The following PRKD2 variants were observed in gnomAD, a reference collection of about 807,000 sequenced individuals.
The protein encoded by PRKD2 is serine/threonine-protein kinase D2.
In PRKD2, 22 loss-of-function variants were observed where a neutral mutation model predicts 86.0. That is an observed-to-expected ratio of 0.26 (90% CI 0.18 to 0.37). PRKD2 has a LOEUF of 0.37. PRKD2 is among the 10% of genes least tolerant of loss of function. PRKD2 has a pLI of 1.00. For missense variants in PRKD2, 818 were observed against 1,199.2 expected (o/e 0.68, Z 4.70); for synonymous variants, 509 against 510.9 (o/e 1.00, Z 0.05).
At position 46,690,683 on chromosome 19, in the gene PRKD2, C is replaced by G. The variant is rs1337774015; in HGVS notation, c.1726G>C (p.Asp576His). The change falls in exon 13 of 18, where the codon GAC becomes CAC. Residue 576 changes from aspartate (D) to histidine (H), a missense_variant. Asp to His is a moderately conservative substitution (Grantham distance 81, BLOSUM62 -1). This residue lies in a region of PRKD2 where 154 missense variants were observed against 359.6 expected (regional missense o/e 0.43). Coordinates refer to ENST00000291281, the MANE Select transcript of PRKD2 (RefSeq NM_016457.5). ...YGGKHRKTGRDVAVKVIDKLR... is the reference protein window; with the variant it reads ...YGGKHRKTGRHVAVKVIDKLR... ...TTGTCAATGACCTTAACTGCCACGTCCCGGCCTGTCTTCCGGTGTTTTCCT... is the reference window on the plus strand; with the variant it reads ...TTGTCAATGACCTTAACTGCCACGTGCCGGCCTGTCTTCCGGTGTTTTCCT... 4 of 1,614,114 alleles carry G rather than the reference C, an allele frequency of 2.5e-6. No homozygotes were observed. The Admixed American group carries it at 6.7e-5, about 27-fold the overall frequency.
At chr19:46,706,816 A>G (rs1654785539) in intron 3 of PRKD2, among the ~76,000 whole-genome samples, 1 of 152,130 alleles carries the variant, frequency 6.6e-6, no homozygotes, top group Admixed American at 6.6e-5. Context: ...CTGCAGGCCT[A>G]GAGTCCTTAA....
chr19:46,684,564 C>A (rs2053366301), intron 14 of PRKD2, among the ~76,000 whole-genome samples: 1 of 152,194 alleles, frequency 6.6e-6, no homozygotes, highest in African/African-American at 2.4e-5. Context: ...CTCAGGTGAT[C>A]CATCTGCCTT....
chr19:46,714,244 G>T, intron 1 of PRKD2: 1 of 1,284,998 alleles, frequency 7.8e-7, no homozygotes, highest in Non-Finnish European at 9.9e-7. Flanking sequence ...GAGCTGGGGT[G>T]GGAGGGAGAG....
At chr19:46,677,823 C>T (rs1232069959) in intron 16 of PRKD2, among the ~76,000 whole-genome samples, 1 of 152,172 alleles carries the variant, frequency 6.6e-6, no homozygotes, top group African/African-American at 2.4e-5. Flanking sequence ...TCTTCGGAAA[C>T]CCTCCACGGC....
At position 46,714,097 on chromosome 19, in the gene PRKD2, C is replaced by A. The variant is rs938987259; in HGVS notation, c.241-96G>T. The A allele has an allele frequency of 3.4e-6, 5 of 1,473,388 alleles. No individual in the cohort carries two copies. The African/African-American group carries it at 4.2e-5, about 12-fold the overall frequency. The allele number at this position is 1,473,388 out of a possible 1,614,324, so 91.3% of individuals were successfully genotyped here. A position where few individuals can be genotyped will look rare whatever the true frequency, so the allele number is the denominator to read the frequency against. The stretch of plus-strand genomic sequence containing the variant: ...CCTCCCAGGGCAGGGCCGGCTGTTT[C>A]CCCCGGAAACGCAGAGACCCCGCAG... On this transcript the variant is annotated intron_variant, in intron 1 of 17. Coordinates refer to ENST00000291281, the MANE Select transcript of PRKD2 (RefSeq NM_016457.5).
chr19:46,690,498 T>C, intron 13 of PRKD2, 102 bp downstream of exon 13: 2 of 987,890 alleles, frequency 2.0e-6, no homozygotes, highest in Admixed American at 3.7e-5. Context: ...AGTCTCAACA[T>C]GCACATGCCC....
chr19:46,713,001 CT>C (rs939186503), intron 2 of PRKD2, among the ~76,000 whole-genome samples: 7 of 149,748 alleles, frequency 4.7e-5, no homozygotes, highest in African/African-American at 1.2e-4. Context: ...GACATCATAA[CT>C]TTTTTTTTTC....
intron 5 of PRKD2, among the ~76,000 whole-genome samples, 174 bp downstream of exon 5, chr19:46,703,995 C>CACACACACACACACAAA (rs2053674253): frequency 3.7e-5 from 2 of 54,184 alleles, no homozygotes; most frequent in Admixed American, 1.8e-4. Flanking sequence ...ACACACACAA[C>CACACACACACACACAAA]TGAGGTTCTA....
At chr19:46,690,091 G>A (rs1468684510) in intron 13 of PRKD2, among the ~76,000 whole-genome samples, 1 of 152,108 alleles carries the variant, frequency 6.6e-6, no homozygotes, top group Admixed American at 6.6e-5. Context: ...GGTTGCAGGA[G>A]GGAGGAGGGG....
intron 15 of PRKD2, among the ~76,000 whole-genome samples, chr19:46,681,119 A>C (rs2053299776): frequency 6.7e-6 from 1 of 149,512 alleles, no homozygotes; most frequent in South Asian, 2.1e-4. Context: ...ACGCCCCGCT[A>C]ATTTTTTTTT....
rs1568714500 is a variant in PRKD2 at position 46,680,928 on chromosome 19, A to ATATATATATATATATATATATATATATT, written c.2070+721_2070+722insAATATATATATATATATATATATATATA. 8.4e-4 allele frequency among the ~76,000 whole-genome samples: 56 copies of ATATATATATATATATATATATATATATT among 66,302 alleles called. 1 individual carries two copies. Among genetic ancestry groups the ATATATATATATATATATATATATATATT allele is most frequent in the African/African-American group, 2.4e-3 (51 of 21,520 alleles). The allele number at this position is 66,302 out of a possible 152,430, so 43.5% of individuals were successfully genotyped here. ...AGTGCTATATGTTGGGATAAACTAT[A>ATATATATATATATATATATATATATATT]TATATATATATATATATATTTTTTT... is the stretch of plus-strand genomic sequence containing the variant. On this transcript the variant is annotated intron_variant, in intron 15 of 17. Coordinates refer to ENST00000291281, the MANE Select transcript of PRKD2 (RefSeq NM_016457.5).
At position 46,688,439 on chromosome 19, in the gene PRKD2, A is replaced by AT. The variant is rs1232755987; in HGVS notation, c.1971+1097dup. Among the ~76,000 whole-genome samples, 940 of 133,762 alleles carry AT rather than the reference A, an allele frequency of 7.0e-3. 11 individuals carry two copies. The highest frequency in any genetic ancestry group is 0.029 in the South Asian group (127 of 4,456). 87.8% of individuals were successfully genotyped at this position (133,762 alleles called of 152,430 possible). On this transcript the variant is annotated intron_variant, in intron 14 of 17. Coordinates refer to ENST00000291281, the MANE Select transcript of PRKD2 (RefSeq NM_016457.5). ...ATTACTCTTTATTATTATTATTATT[A>AT]TTATTTTTTTTTTTGAGACGAAGTT... is the stretch of plus-strand genomic sequence containing the variant.
intron 16 of PRKD2, among the ~76,000 whole-genome samples, chr19:46,675,775 T>C (rs1242231927): frequency 6.8e-6 from 1 of 146,686 alleles, no homozygotes; most frequent in East Asian, 2.2e-4. Flanking sequence ...AATACTTCCT[T>C]TTTTTTTTTT....
intron 7 of PRKD2, among the ~76,000 whole-genome samples, chr19:46,699,115 A>T (rs575912354): frequency 6.6e-6 from 1 of 152,036 alleles, no homozygotes; most frequent in Admixed American, 6.5e-5. Context: ...CTGCAGCTAC[A>T]TGGGTCTCTT....
chr19:46,676,411 G>A (rs2053203514), intron 16 of PRKD2, among the ~76,000 whole-genome samples: 1 of 152,082 alleles, frequency 6.6e-6, no homozygotes, highest in African/African-American at 2.4e-5. Context: ...GGTGACAAAA[G>A]CGAAACTCCG....
chr19:46,692,112 A>G, intron 10 of PRKD2, 127 bp from the exon 11 acceptor site: 1 of 893,362 alleles, frequency 1.1e-6, no homozygotes, highest in African/African-American at 1.6e-5. Context: ...ACAATGTGCA[A>G]CTTCAGGCTG....
rs115397339 is a variant in PRKD2 at position 46,691,170 on chromosome 19, G to A, written c.1703-464C>T. ...AATCAAAGTGTAAAATTTACCACCCGCCCCATACAATCAGAATCTAGGATT... is the reference window on the plus strand; with the variant it reads ...AATCAAAGTGTAAAATTTACCACCCACCCCATACAATCAGAATCTAGGATT... On this transcript the variant is annotated intron_variant, in intron 12 of 17. Transcript: ENST00000291281. 1.9e-3 allele frequency among the ~76,000 whole-genome samples: 288 copies of A among 151,852 alleles called. 1 individual carries two copies. Among genetic ancestry groups the A allele is most frequent in the African/African-American group, 6.1e-3 (252 of 41,392 alleles).
Position 46,689,533 on chromosome 19 carries a change from G to C in PRKD2, c.1971+4C>G. The C allele has an allele frequency of 6.3e-7, 1 of 1,596,310 alleles. No individual in the cohort carries two copies. The highest frequency in any genetic ancestry group is 1.3e-5 in the African/African-American group (1 of 74,926). On this transcript the variant is annotated splice_donor_region_variant and intron_variant, in intron 14 of 17. Transcript: ENST00000291281. ...GCGGGTGGCAGCGGGCAGGGCAGAC[G>C]CACCTGGGTGATGAGGAACTTGGTG...
chr19:46,690,421 C>G (rs933444214), intron 13 of PRKD2, among the ~76,000 whole-genome samples, 179 bp downstream of exon 13: 3 of 152,226 alleles, frequency 2.0e-5, no homozygotes, highest in Non-Finnish European at 4.4e-5. Context: ...TCTAGAAAAC[C>G]TCATGCTCCC....
Sources: gnomAD v4.1 joint callset for allele counts (sites outside exome capture counted in the v4.1 genomes callset) on GRCh38, gnomAD v4.1.1 for gene constraint, gnomAD v4.1.1 regional missense constraint, MANE v1.5 for transcripts, NCBI Gene and HGNC (gene_info 2026-07-23, HGNC 2026-07-21) for gene names.